The following NPAS3 variants were observed in gnomAD, a reference collection of about 807,000 sequenced individuals.
NPAS3 encodes the protein neuronal PAS domain protein 3.
NPAS3 carries 14 observed loss-of-function variants against 73.1 expected under a neutral mutation model. That is an observed-to-expected ratio of 0.19 (90% CI 0.13 to 0.30). The LOEUF is 0.30. NPAS3 is among the 10% of genes least tolerant of loss of function. NPAS3 has a pLI of 1.00. For missense variants in NPAS3, 1,096 were observed against 1,250.0 expected, an observed-to-expected ratio of 0.88 and a Z score of 1.86; for synonymous variants, 620 against 541.5, an observed-to-expected ratio of 1.14 and a Z score of -2.01.
Position 33,739,366 on chromosome 14 carries a change from T to C in NPAS3, c.852+4034T>C, listed in dbSNP as rs142408560. On this transcript the variant is annotated intron_variant, in intron 7 of 11. Coordinates refer to ENST00000356141, the Ensembl canonical transcript of NPAS3. Reference sequence around the variant, plus strand: ...AAATCCTACCCAGCCTCCTTTATGATATAAAGAATTCTAAAGAAATAATAA... The same window carrying C: ...AAATCCTACCCAGCCTCCTTTATGACATAAAGAATTCTAAAGAAATAATAA... Among the ~76,000 whole-genome samples, 887 of 152,304 alleles carry C rather than the reference T, an allele frequency of 5.8e-3. 7 individuals are homozygous for C. Among genetic ancestry groups the C allele is most frequent in the African/African-American group, 0.02 (832 of 41,576 alleles).
At chr14:32,962,868 T>C (rs557176033) in intron 1 of NPAS3, among the ~76,000 whole-genome samples, 1 of 149,736 alleles carries the variant, frequency 6.7e-6, no homozygotes, top group South Asian at 2.1e-4. Context: ...TGGCCAGGGG[T>C]AGTTTTTCTT....
chr14:33,096,828 C>T lies in NPAS3; in HGVS notation c.140+40834C>T, dbSNP rs142375408. 2.2e-3 allele frequency among the ~76,000 whole-genome samples: 333 copies of T among 152,306 alleles called. 2 individuals are homozygous for T. Among genetic ancestry groups the T allele is most frequent in the Non-Finnish European group, 3.7e-3 (251 of 68,010 alleles). ...GGAAATCTCCTCAGCGGCTTCTCTA[C>T]ATTTGGCTCCTCTACTTGTTATCTT... On this transcript the variant is annotated intron_variant, in intron 2 of 11. Coordinates refer to ENST00000356141, the Ensembl canonical transcript of NPAS3.
chr14:33,086,990 T>G (rs1437629814), intron 2 of NPAS3, among the ~76,000 whole-genome samples: 1 of 151,848 alleles, frequency 6.6e-6, no homozygotes, highest in Non-Finnish European at 1.5e-5. Flanking sequence ...TAGGTCCATG[T>G]TAGGGACAAA....
intron 4 of NPAS3, among the ~76,000 whole-genome samples, chr14:33,474,466 C>T (rs749845644): frequency 6.6e-6 from 1 of 152,030 alleles, no homozygotes; most frequent in Non-Finnish European, 1.5e-5. Context: ...AGAGAATATA[C>T]AGAAAAATGT....
intron 5 of NPAS3, among the ~76,000 whole-genome samples, chr14:33,675,342 A>G (rs1322373401): frequency 1.3e-5 from 2 of 152,150 alleles, no homozygotes; most frequent in East Asian, 1.9e-4. Flanking sequence ...ACGGCGCACA[A>G]CTCAGACGCA....
At chr14:33,507,920 G>C in intron 4 of NPAS3, among the ~76,000 whole-genome samples, 1 of 151,924 alleles carries the variant, frequency 6.6e-6, no homozygotes, top group Non-Finnish European at 1.5e-5. Flanking sequence ...GTATATGTGG[G>C]TGTGTCTCTG....
At chr14:33,640,616 A>C (rs1428914558) in intron 5 of NPAS3, among the ~76,000 whole-genome samples, 1 of 152,202 alleles carries the variant, frequency 6.6e-6, no homozygotes, top group Non-Finnish European at 1.5e-5. Flanking sequence ...ACTTCTAATC[A>C]AGGGCAGACT....
At chr14:33,178,231 C>T (rs370351524) in intron 2 of NPAS3, among the ~76,000 whole-genome samples, 5 of 151,936 alleles carry the variant, frequency 3.3e-5, no homozygotes, top group East Asian at 3.9e-4. Flanking sequence ...CACACCACCA[C>T]ACCCAGCAAA....
At chr14:32,961,133 G>T (rs1324909965) in intron 1 of NPAS3, among the ~76,000 whole-genome samples, 1 of 152,124 alleles carries the variant, frequency 6.6e-6, no homozygotes, top group Non-Finnish European at 1.5e-5. Flanking sequence ...TGTGAATTCG[G>T]CTGGGTGTGG....
At chr14:33,666,164 A>G (rs2059445435) in intron 5 of NPAS3, among the ~76,000 whole-genome samples, 1 of 152,194 alleles carries the variant, frequency 6.6e-6, no homozygotes, top group African/African-American at 2.4e-5. Context: ...TAGGGCCTAA[A>G]TCAATCAATC....
At chr14:33,578,459 G>T in intron 5 of NPAS3, 1 of 341,832 alleles carries the variant, frequency 2.9e-6, no homozygotes, top group South Asian at 2.3e-5. Context: ...CTCCCAAAGT[G>T]CTGGGATTAC....
chr14:33,743,438 A>C (rs927017244), intron 7 of NPAS3, among the ~76,000 whole-genome samples: 1 of 152,222 alleles, frequency 6.6e-6, no homozygotes. Context: ...TGGGCTTAAA[A>C]TATTCAGTAA....
intron 3 of NPAS3, among the ~76,000 whole-genome samples, chr14:33,253,477 C>A (rs972278207): frequency 3.9e-5 from 6 of 152,054 alleles, no homozygotes; most frequent in African/African-American, 1.4e-4. Flanking sequence ...AGCAGCTCCT[C>A]ACAACTGATT....
At chr14:33,666,299 A>T (rs1213218963) in intron 5 of NPAS3, among the ~76,000 whole-genome samples, 1 of 152,070 alleles carries the variant, frequency 6.6e-6, no homozygotes, top group African/African-American at 2.4e-5. Context: ...TGTGTCCTGG[A>T]TTGCTCCTAT....
chr14:33,707,148 T>C (rs1322522464), intron 6 of NPAS3, among the ~76,000 whole-genome samples: 1 of 152,170 alleles, frequency 6.6e-6, no homozygotes, highest in Admixed American at 6.5e-5. Flanking sequence ...GCCAAGATGA[T>C]TAATAAGGCA....
chr14:33,517,781 C>T (rs2053371281), intron 4 of NPAS3, among the ~76,000 whole-genome samples: 1 of 152,130 alleles, frequency 6.6e-6, no homozygotes, highest in African/African-American at 2.4e-5. Context: ...TTCCCGCCCC[C>T]AGGCCTTACT....
intron 9 of NPAS3, among the ~76,000 whole-genome samples, chr14:33,778,953 TCAA>T: frequency 6.6e-6 from 1 of 152,132 alleles, no homozygotes; most frequent in Non-Finnish European, 1.5e-5. Context: ...GAAGACAAGT[TCAA>T]ATAAGCCAGA....
At chr14:33,442,425 A>T (rs978593178) in intron 4 of NPAS3, among the ~76,000 whole-genome samples, 1 of 146,622 alleles carries the variant, frequency 6.8e-6, no homozygotes, top group Admixed American at 6.9e-5. Flanking sequence ...AAAAAAAAAA[A>T]AATTAAAAAA....
intron 4 of NPAS3, among the ~76,000 whole-genome samples, chr14:33,417,694 A>G (rs1176379555): frequency 6.6e-6 from 1 of 151,984 alleles, no homozygotes; most frequent in Non-Finnish European, 1.5e-5. Flanking sequence ...CTAAAATAGC[A>G]TCTGCCTTAT....
Sources: gnomAD v4.1 joint callset for allele counts (sites outside exome capture counted in the v4.1 genomes callset) on GRCh38, gnomAD v4.1.1 for gene constraint, MANE v1.5 for transcripts, NCBI Gene and HGNC (gene_info 2026-07-23, HGNC 2026-07-21) for gene names.